The following IGSF10 variants were observed in gnomAD, a reference collection of about 807,000 sequenced individuals.
The protein encoded by IGSF10 is immunoglobulin superfamily member 10.
In IGSF10, 126 loss-of-function variants were observed where a neutral mutation model predicts 128.2. The observed-to-expected ratio is 0.98, with a 90% CI of 0.85 to 1.14. The LOEUF (loss-of-function observed/expected upper bound fraction) is 1.14, where lower values mean the gene tolerates loss of function less well. IGSF10 is among the 50% of genes most tolerant of loss of function. IGSF10 has a pLI of 0.00. For synonymous variants in IGSF10, 1,185 were observed against 1,146.2 expected (o/e 1.03, Z -0.68); for missense variants, 3,295 against 3,149.8 (o/e 1.05, Z -1.10).
the IGSF10 span, among the ~76,000 whole-genome samples, chr3:151,576,066 T>C: frequency 2.0e-4 from 30 of 152,198 alleles, 1 homozygote; most frequent in Admixed American, 1.1e-3. Flanking sequence ...TTGATTTTTC[T>C]AGGTTTGATG....
chr3:151,550,067 T>A, the IGSF10 span, among the ~76,000 whole-genome samples: 9 of 152,082 alleles, frequency 5.9e-5, no homozygotes, highest in Admixed American at 5.9e-4. Context: ...ATATAAAAAA[T>A]AAAATTGAGA....
chr3:151,492,539 G>C, the IGSF10 span, among the ~76,000 whole-genome samples: 1 of 151,962 alleles, frequency 6.6e-6, no homozygotes. Context: ...GTTTGAGACC[G>C]GCCTGACACC....
At position 151,458,647 on chromosome 3, in the gene IGSF10, G is replaced by T. The variant is rs141824930; in HGVS notation, c.63C>A (p.Val21=). The change falls in exon 3 of 8, where the codon GTC becomes GTA. Residue 21 remains valine, a synonymous_variant. Transcript: ENST00000282466. ...GACAGGCCTTGCCCCCAGGGGTGGC[G>T]ACCAGGCAGATCACAGCAAAGGAGA... ...LLVSFAVICL[V]ATPGGKACPR... 1.3e-5 allele frequency: 21 copies of T among 1,613,990 alleles called. No homozygotes were observed. The highest frequency in any genetic ancestry group is 2.2e-5 in the East Asian group (1 of 44,896).
the IGSF10 span, among the ~76,000 whole-genome samples, chr3:151,592,653 G>A: frequency 4.6e-5 from 7 of 152,158 alleles, no homozygotes; most frequent in Non-Finnish European, 1.0e-4. Flanking sequence ...ATACAACCCT[G>A]AGAATTGGTT....
At chr3:151,493,674 ATGTT>A in the IGSF10 span, among the ~76,000 whole-genome samples, 1 of 152,146 alleles carries the variant, frequency 6.6e-6, no homozygotes, top group Non-Finnish European at 1.5e-5. Flanking sequence ...TATACCAACT[ATGTT>A]TGTATAAGTA....
chr3:151,483,638 G>A, the IGSF10 span, among the ~76,000 whole-genome samples: 1 of 152,128 alleles, frequency 6.6e-6, no homozygotes, highest in Non-Finnish European at 1.5e-5. Context: ...GGACTGGTTG[G>A]ACAATAGGTG....
At chr3:151,611,727 A>G in the IGSF10 span, among the ~76,000 whole-genome samples, 1 of 152,160 alleles carries the variant, frequency 6.6e-6, no homozygotes, top group Admixed American at 6.6e-5. Context: ...TCTACTTCTA[A>G]AAGTTTAGCT....
chr3:151,558,027 A>ATCATATATATATATAATATATATATATAT, the IGSF10 span, among the ~76,000 whole-genome samples: 1 of 52,932 alleles, frequency 1.9e-5, no homozygotes, highest in Non-Finnish European at 3.4e-5. Context: ...TAATATATAT[A>ATCATATATATATATAATATATATATATAT]TTGGTACAAT....
chr3:151,544,306 T>A, the IGSF10 span, among the ~76,000 whole-genome samples: 527 of 152,338 alleles, frequency 3.5e-3, no homozygotes, highest in African/African-American at 0.012. Context: ...TGGCTCTAAT[T>A]GCTCCTGGTG....
At chr3:151,500,477 C>G in the IGSF10 span, among the ~76,000 whole-genome samples, 3 of 152,150 alleles carry the variant, frequency 2.0e-5, no homozygotes, top group Admixed American at 2.0e-4. Context: ...TCAGATACAT[C>G]TGCTTACTTA....
chr3:151,508,012 C>T, the IGSF10 span, among the ~76,000 whole-genome samples: 1 of 151,936 alleles, frequency 6.6e-6, no homozygotes, highest in South Asian at 2.1e-4. Flanking sequence ...TTTTTATCTA[C>T]AAATACTAAT....
rs771400856 is a variant in IGSF10, at chr3:151,448,788, G to A, written c.1193C>T (p.Pro398Leu). The stretch of plus-strand genomic sequence containing the variant: ...CTGTTTATATTTGTAATAGAGCTGC[G>A]GTGTTTCACTAAGCAAGTGGCTCCT... ...LERSHLLSET[P>L]QLYYKYKQVA... Residue 398 changes from proline to leucine, a missense_variant, in exon 6 of 8, where the codon CCG becomes CTG. Transcript: ENST00000282466. The A allele has an allele frequency of 2.2e-5, 36 of 1,613,394 alleles. No homozygotes were observed. Among genetic ancestry groups the A allele is most frequent in the Admixed American group, 1.2e-4 (7 of 59,994 alleles).
the IGSF10 span, among the ~76,000 whole-genome samples, chr3:151,570,853 C>T: frequency 6.6e-6 from 1 of 152,008 alleles, no homozygotes; most frequent in Non-Finnish European, 1.5e-5. Context: ...TCTTCTAGGG[C>T]TTTTATGGTT....
the IGSF10 span, among the ~76,000 whole-genome samples, chr3:151,519,169 G>C: frequency 6.6e-6 from 1 of 151,844 alleles, no homozygotes; most frequent in Non-Finnish European, 1.5e-5. Context: ...GTGACATGAA[G>C]CAATTAGCAT....
At chr3:151,498,520 T>A in the IGSF10 span, among the ~76,000 whole-genome samples, 2 of 152,044 alleles carry the variant, frequency 1.3e-5, no homozygotes, top group Admixed American at 1.3e-4. Context: ...CACAAATCAA[T>A]AAACGTAATC....
chr3:151,528,438 G>A, the IGSF10 span, among the ~76,000 whole-genome samples: 1,242 of 152,294 alleles, frequency 8.2e-3, 14 homozygotes, highest in African/African-American at 0.027. Flanking sequence ...GAACAGCTCC[G>A]GTCTGTAGCT....
chr3:151,560,314 T>C, the IGSF10 span, among the ~76,000 whole-genome samples: 2 of 152,032 alleles, frequency 1.3e-5, no homozygotes, highest in African/African-American at 4.8e-5. Flanking sequence ...TTATTCACCA[T>C]ACATTTCCTC....
At chr3:151,441,440 T>A (rs1398090505) in intron 7 of IGSF10, among the ~76,000 whole-genome samples, 1 of 152,160 alleles carries the variant, frequency 6.6e-6, no homozygotes, top group Non-Finnish European at 1.5e-5. Flanking sequence ...TTTGATGACA[T>A]TTGAAAAACT....
Position 151,453,638 on chromosome 3 carries a change from A to C in IGSF10, c.461T>G (p.Phe154Cys), listed in dbSNP as rs759119878. 2.7e-5 allele frequency: 43 copies of C among 1,614,030 alleles called. No homozygotes were observed. The highest frequency in any genetic ancestry group is 1.2e-4 in the Admixed American group (7 of 60,012). Reference protein sequence around the residue: ...INPEVFYGLNFLRLVHLEGNQ... With the variant: ...INPEVFYGLNCLRLVHLEGNQ... ...TCCTTCCAAGTGCACCAGGCGGAGA[A>C]AGTTGAGCCCATAAAAAACCTCTGG... Residue 154 changes from phenylalanine to cysteine, a missense_variant, in exon 5 of 8, where the codon TTT becomes TGT. By Grantham distance (205) the Phe-to-Cys change is radical (BLOSUM62 -2). Coordinates refer to ENST00000282466, the MANE Select transcript of IGSF10 (RefSeq NM_178822.5).
Sources: gnomAD v4.1 joint callset for allele counts (sites outside exome capture counted in the v4.1 genomes callset) on GRCh38, gnomAD v4.1.1 for gene constraint, MANE v1.5 for transcripts, NCBI Gene and HGNC (gene_info 2026-07-23, HGNC 2026-07-21) for gene names.